Variants in MGAT4D observed in about 807,000 individuals in gnomAD.
The protein encoded by MGAT4D is MGAT4 family member D.
MGAT4D carries 34 observed loss-of-function variants against 15.9 expected under a neutral mutation model. The observed-to-expected ratio is 2.14, with a 90% CI of 1.62 to 2.84. The LOEUF is 2.84. Ranked by LOEUF, MGAT4D falls within the 30% of genes most tolerant of loss-of-function variation. The pLI, the probability that MGAT4D is intolerant of heterozygous loss-of-function variation, is 0.00. For synonymous variants in MGAT4D, 112 were observed against 48.2 expected, an observed-to-expected ratio of 2.33 and a Z score of -5.49; for missense variants, 327 against 140.2, an observed-to-expected ratio of 2.33 and a Z score of -6.73.
intron 5 of MGAT4D, among the ~76,000 whole-genome samples, chr4:140,471,227 T>TTTCCTTCCTTCCTTCCTTCCTTCCTTCC (rs200186471): frequency 2.2e-5 from 3 of 133,686 alleles, no homozygotes; most frequent in Non-Finnish European, 4.9e-5. Flanking sequence ...CTCCTTTTTG[T>TTTCCTTCCTTCCTTCCTTCCTTCCTTCC]TTCCTTCCTT....
intron 6 of MGAT4D, chr4:140,462,663 C>T (rs1283931425): frequency 6.6e-6 from 1 of 152,198 alleles, no homozygotes; most frequent in African/African-American, 2.4e-5. Context: ...ATTGCCCCAA[C>T]TCTCCCAATC....
At chr4:140,472,807 G>C (rs1732055074) in intron 4 of MGAT4D, among the ~76,000 whole-genome samples, 1 of 152,150 alleles carries the variant, frequency 6.6e-6, no homozygotes, top group East Asian at 1.9e-4. Context: ...TATAAAATAA[G>C]GCAATAGGAT....
At chr4:140,444,534 C>CT (rs1364809194) in intron 10 of MGAT4D, among the ~76,000 whole-genome samples, 2 of 152,144 alleles carry the variant, frequency 1.3e-5, no homozygotes, top group Non-Finnish European at 2.9e-5. Context: ...ATCCATGTGC[C>CT]TGCAAAGGAC....
intron 1 of MGAT4D, among the ~76,000 whole-genome samples, chr4:140,494,280 T>C (rs1396509808): frequency 1.3e-5 from 2 of 152,234 alleles, no homozygotes; most frequent in African/African-American, 4.8e-5. Flanking sequence ...TCACTAAGAA[T>C]GTGGGAATGA....
chr4:140,464,803 C>T (rs1731423016), intron 6 of MGAT4D, 93 bp downstream of exon 6: 1 of 658,174 alleles, frequency 1.5e-6, no homozygotes, highest in Admixed American at 2.2e-5. Context: ...CAGAACACCA[C>T]TGTGTCTGAA....
chr4:140,480,179 G>A (rs1732606884), intron 2 of MGAT4D, among the ~76,000 whole-genome samples: 2 of 152,110 alleles, frequency 1.3e-5, no homozygotes, highest in South Asian at 4.1e-4. Context: ...GAATACAGAA[G>A]TAGGTTCACA....
intron 1 of MGAT4D, among the ~76,000 whole-genome samples, chr4:140,485,049 G>A (rs1458237602): frequency 6.6e-6 from 1 of 152,142 alleles, no homozygotes; most frequent in Non-Finnish European, 1.5e-5. Context: ...TCCCATTACT[G>A]GGTATATACC....
chr4:140,451,293 A>G (rs1295767979), intron 10 of MGAT4D, 117 bp downstream of exon 10: 1 of 398,394 alleles, frequency 2.5e-6, no homozygotes, highest in East Asian at 3.6e-5. Context: ...TCATAAGATG[A>G]ATTCTGCTTA....
chr4:140,451,911 A>G (rs964690677), intron 9 of MGAT4D, among the ~76,000 whole-genome samples: 5 of 151,816 alleles, frequency 3.3e-5, no homozygotes, highest in African/African-American at 9.7e-5. Context: ...TATCACCTCA[A>G]TTTCTTCTTA....
chr4:140,465,087 T>G, intron 5 of MGAT4D, 78 bp from the exon 6 acceptor site: 1 of 618,054 alleles, frequency 1.6e-6, no homozygotes. Context: ...AAAATAATTT[T>G]CTTATGCATG....
chr4:140,469,750 T>G (rs559355817), intron 5 of MGAT4D, among the ~76,000 whole-genome samples: 2 of 152,298 alleles, frequency 1.3e-5, no homozygotes, highest in East Asian at 3.9e-4. Flanking sequence ...TCAGGGTTTT[T>G]TGTTTTGTTG....
chr4:140,459,280 C>A (rs6844879), intron 8 of MGAT4D: 42,373 of 223,038 alleles, frequency 0.19, 4,184 homozygotes, highest in South Asian at 0.28. Context: ...GTTTCTATGA[C>A]TTATGTGTCT....
chr4:140,474,436 C>T (rs1411927205), intron 4 of MGAT4D, among the ~76,000 whole-genome samples: 1 of 152,166 alleles, frequency 6.6e-6, no homozygotes, highest in Non-Finnish European at 1.5e-5. Flanking sequence ...ATATACCAAA[C>T]TCTTATTGGA....
rs200186471 is a variant in MGAT4D at position 140,471,227 on chromosome 4, T to TTTCCTTCCTTCCTTCC, written c.572+532_572+547dup. On this transcript the variant is annotated intron_variant, in intron 5 of 10. Coordinates refer to ENST00000511113, the MANE Select transcript of MGAT4D (RefSeq NM_001277353.2). ...TTTCGTTTCTCCTTTCTCCTTTTTG[T>TTTCCTTCCTTCCTTCC]TTCCTTCCTTCCTTCCTTCCTTCCT... is the stretch of plus-strand genomic sequence containing the variant. Among the ~76,000 whole-genome samples the TTTCCTTCCTTCCTTCC allele has an allele frequency of 2.2e-3, 288 of 133,782 alleles. 3 individuals are homozygous for TTTCCTTCCTTCCTTCC. The highest frequency in any genetic ancestry group is 7.2e-3 in the Middle Eastern group (2 of 276). The allele number at this position is 133,782 out of a possible 152,430, so 87.8% of individuals were successfully genotyped here.
At chr4:140,444,712 T>A (rs1729973764) in intron 10 of MGAT4D, among the ~76,000 whole-genome samples, 2 of 152,338 alleles carry the variant, frequency 1.3e-5, no homozygotes, top group African/African-American at 4.8e-5. Context: ...CGATTTGTAT[T>A]CCTTTGGGTA....
chr4:140,489,668 T>C (rs2126865367), intron 1 of MGAT4D, among the ~76,000 whole-genome samples: 1 of 152,350 alleles, frequency 6.6e-6, no homozygotes, highest in Admixed American at 6.5e-5. Flanking sequence ...GAGATTTATT[T>C]ATATTGACGA....
At chr4:140,458,326 A>C (rs1730941937) in intron 8 of MGAT4D, 1 of 152,206 alleles carries the variant, frequency 6.6e-6, no homozygotes, top group Non-Finnish European at 1.5e-5. Context: ...GATTTAGTTC[A>C]CTTGTAGACA....
chr4:140,474,257 C>T (rs1732168762), intron 4 of MGAT4D, among the ~76,000 whole-genome samples: 1 of 152,108 alleles, frequency 6.6e-6, no homozygotes, highest in South Asian at 2.1e-4. Context: ...AGTTACTTAC[C>T]TTCTGTAAGA....
chr4:140,454,814 G>A (rs1461069248), intron 9 of MGAT4D, among the ~76,000 whole-genome samples: 1 of 152,094 alleles, frequency 6.6e-6, no homozygotes, highest in East Asian at 1.9e-4. Flanking sequence ...TTTTGGATGA[G>A]TTTTGATAGC....
Sources: gnomAD v4.1 joint callset for allele counts (sites outside exome capture counted in the v4.1 genomes callset) on GRCh38, gnomAD v4.1.1 for gene constraint, MANE v1.5 for transcripts, NCBI Gene and HGNC (gene_info 2026-07-23, HGNC 2026-07-21) for gene names.